Variants in LPP observed in about 807,000 individuals in gnomAD.
LPP encodes the protein lipoma-preferred partner.
Under a neutral mutation model 60.4 loss-of-function variants are expected in LPP, and 38 were observed. That is an observed-to-expected ratio of 0.63 (90% CI 0.49 to 0.83). The LOEUF (loss-of-function observed/expected upper bound fraction) is 0.83, where lower values mean the gene tolerates loss of function less well. LPP is among the 40% of genes least tolerant of loss of function. The probability of loss-of-function intolerance (pLI) is 0.00; values close to 1 mark genes in which losing one functional copy is unlikely to be tolerated. For synonymous variants in LPP, 328 were observed against 290.8 expected (o/e 1.13, Z -1.30); for missense variants, 902 against 783.6 (o/e 1.15, Z -1.80).
At chr3:188,370,840 C>A (rs941277631) in intron 3 of LPP, among the ~76,000 whole-genome samples, 2 of 152,108 alleles carry the variant, frequency 1.3e-5, no homozygotes, top group Admixed American at 1.3e-4. Context: ...GCATATGGAC[C>A]CTGATTTTTC....
At chr3:188,442,304 T>C (rs1794198422) in intron 4 of LPP, among the ~76,000 whole-genome samples, 2 of 152,128 alleles carry the variant, frequency 1.3e-5, no homozygotes, top group African/African-American at 4.8e-5. Flanking sequence ...CCCTGGTGTG[T>C]GATGTTCCCT....
intron 4 of LPP, among the ~76,000 whole-genome samples, chr3:188,448,463 G>GAT (rs770785105): frequency 6.6e-6 from 1 of 151,076 alleles, no homozygotes; most frequent in Non-Finnish European, 1.5e-5. Context: ...TTTAGATAAA[G>GAT]ATCTATATTT....
chr3:188,219,186 T>C (rs7633866), intron 1 of LPP, among the ~76,000 whole-genome samples: 56,429 of 151,994 alleles, frequency 0.37, 12,069 homozygotes, highest in East Asian at 0.62. Context: ...ATACATATTA[T>C]CGTTTCCATT....
chr3:188,730,366 C>G (rs1488844604), intron 8 of LPP, among the ~76,000 whole-genome samples: 1 of 152,178 alleles, frequency 6.6e-6, no homozygotes, highest in Non-Finnish European at 1.5e-5. Flanking sequence ...CAGGCTAACA[C>G]TTTTCTCCAT....
At chr3:188,580,488 G>C in intron 6 of LPP, among the ~76,000 whole-genome samples, 1 of 152,122 alleles carries the variant, frequency 6.6e-6, no homozygotes, top group South Asian at 2.1e-4. Context: ...ACCTTCTAAA[G>C]GATTCAGAGA....
intron 8 of LPP, among the ~76,000 whole-genome samples, chr3:188,738,245 T>C (rs1723194206): frequency 6.6e-6 from 1 of 152,162 alleles, no homozygotes; most frequent in Admixed American, 6.5e-5. Context: ...ATCTGTAGAC[T>C]CCTTTGCGAA....
In LPP at chr3:188,574,183, GGGT is replaced by G. The variant is rs1375171559; in HGVS notation, c.430-34977_430-34975del. On this transcript the variant is annotated intron_variant, in intron 6 of 11. Coordinates refer to ENST00000617246, the MANE Select transcript of LPP (RefSeq NM_001375462.1). ...TCTTCAGTGGCATCCAGAGGACCCTGGGTCACTTCACCTCTCTGTCTCTTTCTG... is the reference window on the plus strand; with the variant it reads ...TCTTCAGTGGCATCCAGAGGACCCTGCACTTCACCTCTCTGTCTCTTTCTG... Among the ~76,000 whole-genome samples, 4 of 152,182 alleles carry G rather than the reference GGGT, an allele frequency of 2.6e-5. No homozygotes were observed. In the East Asian group the frequency reaches 5.8e-4, roughly 22 times the overall value.
intron 5 of LPP, among the ~76,000 whole-genome samples, chr3:188,521,304 T>C (rs1251488740): frequency 6.6e-6 from 1 of 152,126 alleles, no homozygotes; most frequent in Non-Finnish European, 1.5e-5. Context: ...AGTCTGAACT[T>C]AGAGGGTAGG....
intron 6 of LPP, among the ~76,000 whole-genome samples, chr3:188,583,200 A>G (rs1301619296): frequency 1.3e-5 from 2 of 152,218 alleles, no homozygotes; most frequent in Non-Finnish European, 2.9e-5. Context: ...CACGTGCGAA[A>G]TAGGAACAGT....
intron 2 of LPP, among the ~76,000 whole-genome samples, chr3:188,330,527 C>T (rs1046245595): frequency 2.0e-5 from 3 of 152,150 alleles, no homozygotes; most frequent in African/African-American, 7.2e-5. Flanking sequence ...TCTTTCCTAT[C>T]CCAAAGTATG....
intron 4 of LPP, among the ~76,000 whole-genome samples, chr3:188,430,073 A>G (rs549343349): frequency 4.8e-4 from 73 of 152,326 alleles, no homozygotes; most frequent in Non-Finnish European, 8.5e-4. Context: ...TTTTCTTGTG[A>G]TTAGATTAAC....
chr3:188,180,661 C>G (rs1724680261), intron 1 of LPP: 1 of 153,794 alleles, frequency 6.5e-6, no homozygotes, highest in Non-Finnish European at 1.5e-5. Flanking sequence ...GTTTACGTTT[C>G]TAATATTCTT....
At chr3:188,756,905 G>A (rs957084092) in intron 8 of LPP, among the ~76,000 whole-genome samples, 17 of 152,192 alleles carry the variant, frequency 1.1e-4, no homozygotes, top group African/African-American at 4.1e-4. Context: ...ATACAATACA[G>A]TCCATCTGTT....
At chr3:188,407,205 C>T (rs1578664262) in intron 4 of LPP, among the ~76,000 whole-genome samples, 2 of 69,476 alleles carry the variant, frequency 2.9e-5, no homozygotes, top group Non-Finnish European at 4.9e-5. Context: ...TAATATCTTA[C>T]CCTCTTCATG....
At position 188,878,257 on chromosome 3, in the gene LPP, A is replaced by G. The variant is rs1578115370; in HGVS notation, c.*3778A>G. ...GTGTCGGCTGCCCCCTGATCCTTCC[A>G]TTATCAAGTTTTGAAGGGTGTTGGG... On this transcript the variant is annotated 3_prime_UTR_variant, in exon 12 of 12. Transcript: ENST00000617246. 9.1e-6 allele frequency: 2 copies of G among 219,308 alleles called. No individual in the cohort carries two copies. The highest frequency in any genetic ancestry group is 1.2e-4 in the Admixed American group (2 of 17,244). The allele number at this position is 219,308 out of a possible 1,614,324, so 13.6% of individuals were successfully genotyped here. A position where few individuals can be genotyped will look rare whatever the true frequency, so the allele number is the denominator to read the frequency against.
intron 2 of LPP, among the ~76,000 whole-genome samples, chr3:188,260,586 G>A (rs1733240446): frequency 6.6e-6 from 1 of 151,990 alleles, no homozygotes; most frequent in African/African-American, 2.4e-5. Flanking sequence ...TATTGCTATA[G>A]CCCCAAGAAG....
At chr3:188,590,207 T>C (rs778562301) in intron 6 of LPP, among the ~76,000 whole-genome samples, 1 of 152,232 alleles carries the variant, frequency 6.6e-6, no homozygotes, top group Admixed American at 6.5e-5. Context: ...TTTGTTTACA[T>C]AGAGAATATC....
intron 6 of LPP, among the ~76,000 whole-genome samples, chr3:188,598,977 T>C (rs914811716): frequency 3.3e-5 from 5 of 152,272 alleles, no homozygotes; most frequent in Middle Eastern, 3.4e-3. Context: ...CTTGAGGAGA[T>C]GCTTCAGCAA....
chr3:188,205,834 G>A (rs1221115810), intron 1 of LPP, among the ~76,000 whole-genome samples: 1 of 152,190 alleles, frequency 6.6e-6, no homozygotes, highest in African/African-American at 2.4e-5. Context: ...GATATAGCAC[G>A]GAGGGAGGTG....
Sources: allele counts gnomAD v4.1 joint callset (sites outside exome capture counted in the v4.1 genomes callset), GRCh38; gene constraint gnomAD v4.1.1; transcripts MANE v1.5; gene names NCBI Gene and HGNC (gene_info 2026-07-23, HGNC 2026-07-21).